Variants in TENM4 observed in about 807,000 individuals in gnomAD.
The protein encoded by TENM4 is teneurin-4.
In TENM4, 82 loss-of-function variants were observed where a neutral mutation model predicts 243.3. That is an observed-to-expected ratio of 0.34 (90% CI 0.28 to 0.40). The LOEUF is 0.40. TENM4 is among the 10% of genes least tolerant of loss of function. TENM4 has a pLI of 1.00. For synonymous variants in TENM4, 1,412 were observed against 1,456.3 expected (o/e 0.97, Z 0.69); for missense variants, 3,138 against 3,673.3 (o/e 0.85, Z 3.77).
At chr11:79,160,046 A>G (rs1862708245) in intron 3 of TENM4, among the ~76,000 whole-genome samples, 1 of 151,150 alleles carries the variant, frequency 6.6e-6, no homozygotes, top group Non-Finnish European at 1.5e-5. Context: ...TACCATTTTC[A>G]TTCTTTCTAT....
intron 4 of TENM4, among the ~76,000 whole-genome samples, chr11:79,146,268 T>A (rs915358980): frequency 1.3e-5 from 2 of 152,080 alleles, no homozygotes; most frequent in Non-Finnish European, 2.9e-5. Flanking sequence ...CACACCAACA[T>A]TGGCCTGGAT....
chr11:79,180,718 C>T (rs952167630), intron 3 of TENM4, among the ~76,000 whole-genome samples: 2 of 151,366 alleles, frequency 1.3e-5, no homozygotes, highest in African/African-American at 2.4e-5. Context: ...GTGGTGTGCA[C>T]CTGTAATTTC....
chr11:78,797,109 A>G (rs1380658598), intron 15 of TENM4, among the ~76,000 whole-genome samples: 3 of 152,246 alleles, frequency 2.0e-5, no homozygotes, highest in African/African-American at 4.8e-5. Flanking sequence ...GTAATAGCCA[A>G]TGGCAGAGTT....
intron 1 of TENM4, among the ~76,000 whole-genome samples, chr11:79,412,249 A>G (rs1347965939): frequency 3.3e-5 from 5 of 152,238 alleles, no homozygotes; most frequent in African/African-American, 1.2e-4. Context: ...CGTAAGGATA[A>G]CCAACAGGCT....
At chr11:79,001,665 G>T (rs1858332926) in intron 6 of TENM4, among the ~76,000 whole-genome samples, 1 of 152,202 alleles carries the variant, frequency 6.6e-6, no homozygotes, top group Non-Finnish European at 1.5e-5. Context: ...CCTTGAGGGG[G>T]ACTACTGAAG....
At chr11:79,384,927 A>ACAAATAAAATT (rs1858079164) in intron 1 of TENM4, among the ~76,000 whole-genome samples, 1 of 33,330 alleles carries the variant, frequency 3.0e-5, no homozygotes, top group Non-Finnish European at 6.3e-5. Context: ...CTCCGTCTCA[A>ACAAATAAAATT]AAAATAAAAT....
intron 16 of TENM4, among the ~76,000 whole-genome samples, chr11:78,781,723 C>T (rs1233273929): frequency 2.9e-5 from 4 of 136,096 alleles, no homozygotes; most frequent in Admixed American, 2.1e-4. Context: ...CCACAAGAAA[C>T]AAGGATCACT....
chr11:79,339,324 A>G (rs1379006700), intron 1 of TENM4, among the ~76,000 whole-genome samples: 3 of 152,250 alleles, frequency 2.0e-5, no homozygotes, highest in Non-Finnish European at 4.4e-5. Flanking sequence ...TATCTCCATC[A>G]AAGTGTTGTC....
chr11:79,404,435 G>T (rs1179421619), intron 1 of TENM4, among the ~76,000 whole-genome samples: 1 of 152,184 alleles, frequency 6.6e-6, no homozygotes, highest in African/African-American at 2.4e-5. Flanking sequence ...TAGACTAGAG[G>T]CTGCCAGGGG....
At chr11:79,432,770 T>G (rs528832568) in intron 1 of TENM4, among the ~76,000 whole-genome samples, 1 of 152,228 alleles carries the variant, frequency 6.6e-6, no homozygotes, top group Non-Finnish European at 1.5e-5. Flanking sequence ...GGAAACACTT[T>G]GCTAAATTAT....
At chr11:79,145,883 T>C (rs1250193958) in intron 4 of TENM4, among the ~76,000 whole-genome samples, 2 of 152,108 alleles carry the variant, frequency 1.3e-5, no homozygotes, top group Non-Finnish European at 2.9e-5. Context: ...AGAGTAAAAA[T>C]GTTATGTGCT....
intron 6 of TENM4, among the ~76,000 whole-genome samples, chr11:78,989,596 G>A (rs554070738): frequency 6.6e-6 from 1 of 152,288 alleles, no homozygotes; most frequent in East Asian, 1.9e-4. Context: ...TTAAATCACA[G>A]TTCAGCCATC....
intron 23 of TENM4, 66 bp downstream of exon 23, chr11:78,726,013 G>A: frequency 6.3e-7 from 1 of 1,582,074 alleles, no homozygotes; most frequent in Non-Finnish European, 8.6e-7. Flanking sequence ...TGTTTGGCAG[G>A]GCACAAGGGA....
chr11:79,316,920 C>A (rs967301367), intron 1 of TENM4, among the ~76,000 whole-genome samples: 1 of 152,292 alleles, frequency 6.6e-6, no homozygotes, highest in Admixed American at 6.5e-5. Flanking sequence ...GGTGACAGAA[C>A]AAAATGTCAA....
At chr11:79,205,550 C>T (rs1863836286) in intron 3 of TENM4, among the ~76,000 whole-genome samples, 2 of 152,176 alleles carry the variant, frequency 1.3e-5, no homozygotes, top group Non-Finnish European at 2.9e-5. Flanking sequence ...TTTCAAAAAT[C>T]AATGAAATCA....
chr11:79,252,376 A>G (rs1419957762), intron 2 of TENM4, among the ~76,000 whole-genome samples: 3 of 152,178 alleles, frequency 2.0e-5, no homozygotes, highest in Admixed American at 2.0e-4. Flanking sequence ...CTGGGATTAC[A>G]GGCGCTCACC....
At chr11:78,939,661 G>T (rs1282003570) in intron 6 of TENM4, among the ~76,000 whole-genome samples, 1 of 152,118 alleles carries the variant, frequency 6.6e-6, no homozygotes. Context: ...TTAGTAAAAT[G>T]GGTTAAAAGC....
At chr11:79,313,118 A>G (rs951461515) in intron 1 of TENM4, among the ~76,000 whole-genome samples, 2 of 152,230 alleles carry the variant, frequency 1.3e-5, no homozygotes, top group African/African-American at 4.8e-5. Context: ...CTCCGACTTC[A>G]GTTGTTTTTA....
intron 9 of TENM4, among the ~76,000 whole-genome samples, chr11:78,878,573 T>A (rs1006754385): frequency 1.3e-5 from 2 of 152,148 alleles, no homozygotes; most frequent in Non-Finnish European, 1.5e-5. Flanking sequence ...TCCTTCAGCC[T>A]TTTTTGGTCT....
Sources: allele counts gnomAD v4.1 joint callset (sites outside exome capture counted in the v4.1 genomes callset), GRCh38; gene constraint gnomAD v4.1.1; transcripts MANE v1.5; gene names NCBI Gene and HGNC (gene_info 2026-07-23, HGNC 2026-07-21).